Variants in ADARB1 observed in about 807,000 individuals in gnomAD.
ADARB1 encodes adenosine deaminase RNA specific B1.
ADARB1 carries 10 observed loss-of-function variants against 52.4 expected under a neutral mutation model. That is an observed-to-expected ratio of 0.19 (90% CI 0.12 to 0.32). The LOEUF is 0.32. Ranked by LOEUF, ADARB1 falls within the 10% of genes least tolerant of loss-of-function variation. The probability of loss-of-function intolerance (pLI) is 1.00; values close to 1 mark genes in which losing one functional copy is unlikely to be tolerated. For missense variants in ADARB1, 643 were observed against 922.3 expected, an observed-to-expected ratio of 0.70 and a Z score of 3.92; for synonymous variants, 349 against 371.1, an observed-to-expected ratio of 0.94 and a Z score of 0.68.
rs146618996 is a variant in ADARB1 at position 45,210,604 on chromosome 21, C to T, written c.1747+5868C>T. Among the ~76,000 whole-genome samples the T allele has an allele frequency of 4.7e-3, 717 of 152,342 alleles. 2 individuals are homozygous for T. The highest frequency in any genetic ancestry group is 7.1e-3 in the Non-Finnish European group (483 of 68,026). On this transcript the variant is annotated intron_variant, in intron 9 of 10. Coordinates refer to ENST00000348831, the MANE Select transcript of ADARB1 (RefSeq NM_001112.4). ...CTTACATGCTTCCCTGAATCCACGC[C>T]GCAGCCCTGTGGGCCGGGCCTGCCG...
At chr21:45,201,433 A>G (rs2092552030) in intron 8 of ADARB1, among the ~76,000 whole-genome samples, 1 of 152,230 alleles carries the variant, frequency 6.6e-6, no homozygotes, top group Non-Finnish European at 1.5e-5. Flanking sequence ...AAGTTTGCCC[A>G]GAAGACCTAA....
chr21:45,130,775 A>T (rs2088882842), intron 2 of ADARB1, among the ~76,000 whole-genome samples: 1 of 152,072 alleles, frequency 6.6e-6, no homozygotes, highest in Non-Finnish European at 1.5e-5. Context: ...AGGCAGACTC[A>T]CTGTTTTTGC....
intron 8 of ADARB1, among the ~76,000 whole-genome samples, chr21:45,193,338 CAT>C (rs776249713): frequency 6.6e-6 from 1 of 152,164 alleles, no homozygotes; most frequent in Non-Finnish European, 1.5e-5. Flanking sequence ...CAAAATCCAA[CAT>C]GTGTTCCTCA....
At chr21:45,137,243 G>C (rs1029093911) in intron 2 of ADARB1, 2 of 152,124 alleles carry the variant, frequency 1.3e-5, no homozygotes, top group East Asian at 3.9e-4. Context: ...CTACATGGAG[G>C]GACTCGGAGT....
At chr21:45,194,055 T>C (rs1305816763) in intron 8 of ADARB1, among the ~76,000 whole-genome samples, 1 of 152,220 alleles carries the variant, frequency 6.6e-6, no homozygotes, top group African/African-American at 2.4e-5. Flanking sequence ...AGTAAAAGGC[T>C]AATACTACCT....
intron 4 of ADARB1, among the ~76,000 whole-genome samples, chr21:45,179,111 C>T (rs947639692): frequency 2.0e-5 from 3 of 152,162 alleles, no homozygotes; most frequent in Admixed American, 1.3e-4. Flanking sequence ...TGGAATGCGT[C>T]GCCCCTTCCC....
chr21:45,091,040 A>G (rs381655), intron 1 of ADARB1, among the ~76,000 whole-genome samples: 149,734 of 152,392 alleles, frequency 0.98, 73,561 homozygotes, highest in East Asian at 1. Context: ...ATAAACTGAC[A>G]TTTTTCATTC....
chr21:45,200,231 G>T lies in ADARB1; in HGVS notation c.1566-4324G>T, dbSNP rs566595437. Among the ~76,000 whole-genome samples, 1 of 152,184 alleles carries T rather than the reference G, an allele frequency of 6.6e-6. No homozygotes were observed. The highest frequency in any genetic ancestry group is 1.5e-5 in the Non-Finnish European group (1 of 68,026). ...AGGGCCATGGTAGGTTGGGGGTGGG[G>T]TGGGAGCCACAGCACTGCCATTGGA... On this transcript the variant is annotated intron_variant, in intron 8 of 10. Transcript: ENST00000348831. The surrounding 1 kb of genome is among the most constrained non-coding windows in gnomAD (Gnocchi z 5.0).
intron 1 of ADARB1, among the ~76,000 whole-genome samples, chr21:45,108,905 G>T (rs1390467623): frequency 1.3e-5 from 2 of 152,242 alleles, no homozygotes; most frequent in Non-Finnish European, 2.9e-5. Context: ...TGTGATTGCA[G>T]CCCAGGCCAA....
rs1219680971 is a variant in ADARB1, at chr21:45,226,436, T to C, written c.*4239T>C. 6.6e-6 allele frequency: 1 copy of C among 152,662 alleles called. No homozygotes were observed. The highest frequency in any genetic ancestry group is 1.9e-4 in the East Asian group (1 of 5,200). 9.5% of individuals were successfully genotyped at this position (152,662 alleles called of 1,614,324 possible). On this transcript the variant is annotated 3_prime_UTR_variant, in exon 11 of 11. Coordinates refer to ENST00000348831, the MANE Select transcript of ADARB1 (RefSeq NM_001112.4). ...TGTTCTCTGTATGTAAATCTGTGTA[T>C]ACACCACACGTTACAACTGCATGAG...
chr21:45,177,311 T>A (rs2091739706), intron 4 of ADARB1: 1 of 152,240 alleles, frequency 6.6e-6, no homozygotes, highest in African/African-American at 2.4e-5. Flanking sequence ...TGCCTGGGAG[T>A]CTCTACTTTG....
rs1387851071 is a variant in ADARB1 at position 45,222,888 on chromosome 21, G to A, written c.*691G>A. ...CGCAGCAGTGACTGTGTGTCCTGCAGAGGCGTGACCCAGGCCCCTGTAGCC... is the reference window on the plus strand; with the variant it reads ...CGCAGCAGTGACTGTGTGTCCTGCAAAGGCGTGACCCAGGCCCCTGTAGCC... On this transcript the variant is annotated 3_prime_UTR_variant, in exon 11 of 11. Transcript: ENST00000348831. 3.0e-6 allele frequency: 3 copies of A among 985,416 alleles called. No homozygotes were observed. The African/African-American group carries it at 5.2e-5, about 17-fold the overall frequency. The allele number at this position is 985,416 out of a possible 1,614,324, so 61.0% of individuals were successfully genotyped here. A position where few individuals can be genotyped will look rare whatever the true frequency, so the allele number is the denominator to read the frequency against.
At position 45,204,546 on chromosome 21, in the gene ADARB1, TC is replaced by T. The variant is rs1372727535; in HGVS notation, c.1566-6del. On this transcript the variant is annotated splice_polypyrimidine_tract_variant and splice_region_variant and intron_variant, in intron 8 of 10. Transcript: ENST00000348831. This position sits in a 1 kb window ranked among gnomAD's most constrained non-coding sequence, Gnocchi z 4.4. ...GCTCCCTGAAGACTGTGCTTTCTTC[TC>T]CCTCCAGCTGGAACGTGGTGGGCAT... 7 of 1,613,694 alleles carry T rather than the reference TC, an allele frequency of 4.3e-6. No homozygotes were observed. The highest frequency in any genetic ancestry group is 5.9e-6 in the Non-Finnish European group (7 of 1,179,738).
Position 45,176,571 on chromosome 21 carries a change from G to C in ADARB1, c.870G>C (p.Gln290His), listed in dbSNP as rs200806468. Residue 290 changes from glutamine (Q) to histidine (H), a missense_variant, in exon 4 of 11, where the codon CAG (glutamine) becomes CAC (histidine). By Grantham distance (24) the Gln-to-His change is conservative (BLOSUM62 0). Transcript: ENST00000348831. The surrounding 1 kb of genome is among the most constrained non-coding windows in gnomAD (Gnocchi z 5.8). ...NKKLAKARAAQSALAAIFNLH... is the reference protein window; with the variant it reads ...NKKLAKARAAHSALAAIFNLH... ...AGCTTGCCAAGGCCCGGGCTGCGCA[G>C]TCTGCCCTGGCCGCCATTTTTAACT... 6.8e-6 allele frequency: 11 copies of C among 1,614,212 alleles called. No individual in the cohort carries two copies. Among genetic ancestry groups the C allele is most frequent in the Non-Finnish European group, 7.6e-6 (9 of 1,180,048 alleles).
chr21:45,109,326 G>A (rs1051445994), intron 1 of ADARB1, among the ~76,000 whole-genome samples: 3 of 152,164 alleles, frequency 2.0e-5, no homozygotes, highest in African/African-American at 4.8e-5. Flanking sequence ...GCGCGTGTGC[G>A]TATATGTGTG....
In ADARB1 at chr21:45,223,403, T is replaced by A. The variant is rs1446603305; in HGVS notation, c.*1206T>A. 1 of 985,296 alleles carries A rather than the reference T, an allele frequency of 1.0e-6. No individual in the cohort carries two copies. The highest frequency in any genetic ancestry group is 1.2e-6 in the Non-Finnish European group (1 of 830,130). The allele number at this position is 985,296 out of a possible 1,614,324, so 61.0% of individuals were successfully genotyped here. ...CGGGACGGCCCCACGACAGAGGGAG[T>A]CAGCCCGGGAGGTCAGGAGCGCGGC... On this transcript the variant is annotated 3_prime_UTR_variant, in exon 11 of 11. Transcript: ENST00000348831.
intron 8 of ADARB1, among the ~76,000 whole-genome samples, chr21:45,193,849 A>C (rs914777625): frequency 6.6e-6 from 1 of 152,226 alleles, no homozygotes; most frequent in African/African-American, 2.4e-5. Context: ...AAATGGAGAG[A>C]TACATCATGG....
chr21:45,137,870 G>C (rs904208924), intron 2 of ADARB1, among the ~76,000 whole-genome samples: 5 of 152,058 alleles, frequency 3.3e-5, no homozygotes, highest in African/African-American at 1.2e-4. Flanking sequence ...GGCACCCCAG[G>C]CAGGAGGGGC....
intron 1 of ADARB1, among the ~76,000 whole-genome samples, chr21:45,111,128 T>G (rs1306537091): frequency 6.6e-6 from 1 of 152,144 alleles, no homozygotes; most frequent in Non-Finnish European, 1.5e-5. Flanking sequence ...GGCTGTGCCT[T>G]CCACCCAGGC....
Sources: allele counts gnomAD v4.1 joint callset (sites outside exome capture counted in the v4.1 genomes callset), GRCh38; gene constraint gnomAD v4.1.1; non-coding constraint Gnocchi (gnomAD v3.1); transcripts MANE v1.5; gene names NCBI Gene and HGNC (gene_info 2026-07-23, HGNC 2026-07-21).